Variants in SARS1 observed in about 807,000 individuals in gnomAD.
SARS1 encodes serine--tRNA ligase, cytoplasmic.
A neutral mutation model predicts 63.7 loss-of-function variants in SARS1; 25 were observed. That is an observed-to-expected ratio of 0.39 (90% CI 0.29 to 0.55). The LOEUF (loss-of-function observed/expected upper bound fraction) is 0.55. SARS1 is among the 20% of genes least tolerant of loss of function. The probability of loss-of-function intolerance (pLI) is 0.62; values close to 1 mark genes in which losing one functional copy is unlikely to be tolerated. For missense variants in SARS1, 417 were observed against 649.7 expected, an observed-to-expected ratio of 0.64 and a Z score of 3.89; for synonymous variants, 231 against 243.5, an observed-to-expected ratio of 0.95 and a Z score of 0.48.
rs773937466 is a variant in SARS1, at chr1:109,221,970, GTATATATATATATATATATATATATA to G, written c.137-1992_137-1967del. 2.0e-3 allele frequency among the ~76,000 whole-genome samples: 55 copies of G among 28,068 alleles called. 3 individuals carry two copies. The highest frequency in any genetic ancestry group is 7.4e-3 in the African/African-American group (51 of 6,924). The allele number at this position is 28,068 out of a possible 152,430, so 18.4% of individuals were successfully genotyped here. ...GCTCAGCTAATTTTTTTGTGTGTGT[GTATATATATATATATATATATATATA>G]TATATATATATATATTTTTTTTTTT... On this transcript the variant is annotated intron_variant, in intron 1 of 10. Transcript: ENST00000234677.
chr1:109,236,042 T>C lies in SARS1; in HGVS notation c.1035T>C (p.Ile345=). The part of the protein sequence containing the change: ...NKSWEMFEEM[I]TTAEEFYQSL... ...CATGGGAGATGTTTGAAGAGATGAT[T>C]ACCACCGCAGAGGAGTTCTACCAGT... Residue 345 remains isoleucine (I), a synonymous_variant, in exon 8 of 11, where the codon ATT becomes ATC. Transcript: ENST00000234677. 6.2e-7 allele frequency: 1 copy of C among 1,613,892 alleles called. No homozygotes were observed. Among genetic ancestry groups the C allele is most frequent in the Non-Finnish European group, 8.5e-7 (1 of 1,179,818 alleles).
At chr1:109,226,677 A>AAATAT (rs1178056468) in intron 2 of SARS1, among the ~76,000 whole-genome samples, 2,391 of 44,454 alleles carry the variant, frequency 0.054, 78 homozygotes, top group South Asian at 0.066. Flanking sequence ...AAAAAAAAAA[A>AAATAT]ATATATATAT....
At chr1:109,236,801 C>T (rs1281823055) in intron 9 of SARS1, 1 of 1,590,124 alleles carries the variant, frequency 6.3e-7, no homozygotes, top group Admixed American at 1.8e-5. Context: ...TTTCTTAACT[C>T]CAGAGAAAGA....
chr1:109,229,351 T>A, intron 3 of SARS1, 63 bp from the exon 4 acceptor site: 1 of 1,547,182 alleles, frequency 6.5e-7, no homozygotes, highest in Non-Finnish European at 8.8e-7. Flanking sequence ...GGCAACCGAA[T>A]CATATTCCTG....
At chr1:109,218,377 A>T (rs1654843389) in intron 1 of SARS1, among the ~76,000 whole-genome samples, 1 of 150,380 alleles carries the variant, frequency 6.6e-6, no homozygotes, top group Admixed American at 6.7e-5. Flanking sequence ...AAAAAAAAAA[A>T]AAATTACTGA....
intron 1 of SARS1, 37 bp from the exon 2 acceptor site, chr1:109,223,941 C>G (rs201306186): frequency 6.8e-7 from 1 of 1,463,274 alleles, no homozygotes; most frequent in South Asian, 1.1e-5. Context: ...TAATTATGGG[C>G]ATTTCTTTGG....
At position 109,235,225 on chromosome 1, in the gene SARS1, A is replaced by G. The variant is rs1209287622; in HGVS notation, c.763A>G (p.Ser255Gly). The G allele has an allele frequency of 6.2e-7, 1 of 1,614,088 alleles. No homozygotes were observed. The highest frequency in any genetic ancestry group is 1.7e-5 in the Admixed American group (1 of 60,028). The change falls in exon 7 of 11, where the codon AGT becomes GGT. Residue 255 changes from serine (S) to glycine (G), a missense_variant. Around this residue, in one of 3 missense-constraint regions of SARS1, gnomAD observed 359 missense variants for 529.6 expected, o/e 0.68. Transcript: ENST00000234677. This position sits in a 1 kb window ranked among gnomAD's most constrained non-coding sequence, Gnocchi z 4.7. ...EELYKVIGKGSEKSDDNSYDE... is the reference protein window; with the variant it reads ...EELYKVIGKGGEKSDDNSYDE... ...CCTTCCACAGGTGATTGGCAAAGGC[A>G]GTGAAAAGTCTGATGACAACTCCTA...
In SARS1 at chr1:109,237,227, G is replaced by T; in HGVS notation, c.1258-17G>T. ...AGAGTTGAGCCCGACTTCCCCTCTGGGACCCTGTCTTCCCAGGTGGAGTTT... is the reference window on the plus strand; with the variant it reads ...AGAGTTGAGCCCGACTTCCCCTCTGTGACCCTGTCTTCCCAGGTGGAGTTT... On this transcript the variant is annotated splice_polypyrimidine_tract_variant and intron_variant, in intron 9 of 10. Transcript: ENST00000234677. This position sits in a 1 kb window ranked among gnomAD's most constrained non-coding sequence, Gnocchi z 4.1. 1 of 1,605,766 alleles carries T rather than the reference G, an allele frequency of 6.2e-7. No individual in the cohort carries two copies. Among genetic ancestry groups the T allele is most frequent in the Non-Finnish European group, 8.5e-7 (1 of 1,176,546 alleles).
intron 1 of SARS1, among the ~76,000 whole-genome samples, chr1:109,220,530 TG>T (rs1654905407): frequency 6.6e-6 from 1 of 152,270 alleles, no homozygotes; most frequent in African/African-American, 2.4e-5. Context: ...GAGAAGTATC[TG>T]TTCAAGCCTT....
Position 109,216,433 on chromosome 1 carries a change from G to A in SARS1, c.136+2305G>A, listed in dbSNP as rs1001490243. 5.0e-5 allele frequency: 49 copies of A among 985,160 alleles called. No homozygotes were observed. In the African/African-American group the frequency reaches 7.5e-4, roughly 15 times the overall value. The allele number at this position is 985,160 out of a possible 1,614,324, so 61.0% of individuals were successfully genotyped here. On this transcript the variant is annotated intron_variant, in intron 1 of 10. Transcript: ENST00000234677. ...CTCTTCTAACTCCAGGGATTTGAAT[G>A]TGATTTCTTCTTTTTAATTCAGAGT...
chr1:109,215,656 T>C, intron 1 of SARS1: 2 of 965,286 alleles, frequency 2.1e-6, no homozygotes, highest in Non-Finnish European at 2.5e-6. Flanking sequence ...GTTTATGTTA[T>C]TGTTTTAAAA....
At chr1:109,215,264 A>G in intron 1 of SARS1, 1 of 985,446 alleles carries the variant, frequency 1.0e-6, no homozygotes, top group Non-Finnish European at 1.2e-6. Context: ...ATTTTGCCAC[A>G]TTTTTTGTTT....
At chr1:109,219,832 TTA>T (rs1654890114) in intron 1 of SARS1, among the ~76,000 whole-genome samples, 1 of 152,216 alleles carries the variant, frequency 6.6e-6, no homozygotes, top group South Asian at 2.1e-4. Flanking sequence ...TCTTTCAAGA[TTA>T]TGTCTGTAAG....
Position 109,214,658 on chromosome 1 carries a change from C to T in SARS1, c.136+530C>T, listed in dbSNP as rs370690317. On this transcript the variant is annotated intron_variant, in intron 1 of 10. Coordinates refer to ENST00000234677, the MANE Select transcript of SARS1 (RefSeq NM_006513.4). The surrounding 1 kb of genome is among the most constrained non-coding windows in gnomAD (Gnocchi z 4.6). ...GGCCGCTCTTGGCCAAAATAAATGA[C>T]CCTGAAGCTTTTCGGAAGGCCATCC... 1.1e-5 allele frequency: 11 copies of T among 985,540 alleles called. No individual in the cohort carries two copies. The African/African-American group carries it at 1.7e-4, about 16-fold the overall frequency. 61.0% of individuals were successfully genotyped at this position (985,540 alleles called of 1,614,324 possible).
At chr1:109,223,836 A>G (rs536596549) in intron 1 of SARS1, 142 bp from the exon 2 acceptor site, 16 of 669,662 alleles carry the variant, frequency 2.4e-5, no homozygotes, top group Admixed American at 2.1e-4. Flanking sequence ...GTAAGATTTT[A>G]TAACTTCATG....
Position 109,231,660 on chromosome 1 carries a change from C to T in SARS1, c.621C>T (p.Leu207=). 6.4e-7 allele frequency: 1 copy of T among 1,570,748 alleles called. No homozygotes were observed. Among genetic ancestry groups the T allele is most frequent in the South Asian group, 1.2e-5 (1 of 84,976 alleles). Residue 207 remains leucine (L), a synonymous_variant, in exon 6 of 11, where the codon CTC becomes CTT. Coordinates refer to ENST00000234677, the MANE Select transcript of SARS1 (RefSeq NM_006513.4). ...TCCTGGTGTTCCTGGAACAGGCTCT[C>T]ATCCAGTATGCCCTTCGCACCTTGG... ...KGVLVFLEQA[L]IQYALRTLGS... is the part of the protein sequence containing the mutation.
chr1:109,215,350 T>G, intron 1 of SARS1: 1 of 985,458 alleles, frequency 1.0e-6, no homozygotes, highest in Non-Finnish European at 1.2e-6. Context: ...AGTCCAGCCC[T>G]TAGCCAGTGC....
At chr1:109,234,336 A>G (rs1655266903) in intron 6 of SARS1, among the ~76,000 whole-genome samples, 2 of 151,890 alleles carry the variant, frequency 1.3e-5, no homozygotes, top group Admixed American at 1.3e-4. Context: ...CTTTTTATGT[A>G]TCATTATATC....
intron 6 of SARS1, among the ~76,000 whole-genome samples, chr1:109,234,031 G>A (rs938560095): frequency 2.6e-5 from 4 of 151,504 alleles, no homozygotes; most frequent in East Asian, 3.9e-4. Flanking sequence ...CACCATGCCC[G>A]ACTAATTTTT....
Sources: allele counts gnomAD v4.1 joint callset (sites outside exome capture counted in the v4.1 genomes callset), GRCh38; gene constraint gnomAD v4.1.1; regional missense constraint gnomAD v4.1.1; non-coding constraint Gnocchi (gnomAD v3.1); transcripts MANE v1.5; gene names NCBI Gene and HGNC (gene_info 2026-07-23, HGNC 2026-07-21).